Variants in DNAH11 observed in about 807,000 individuals in gnomAD.
DNAH11 encodes axonemal beta dynein heavy chain 11.
Under a neutral mutation model 526.0 loss-of-function variants are expected in DNAH11, and 442 were observed. That is an observed-to-expected ratio of 0.84 (90% CI 0.78 to 0.91). DNAH11 has a LOEUF of 0.91. Ranked by LOEUF, DNAH11 falls within the 40% of genes least tolerant of loss-of-function variation. The probability of loss-of-function intolerance (pLI) is 0.00; values close to 1 mark genes in which losing one functional copy is unlikely to be tolerated. For synonymous variants in DNAH11, 2,461 were observed against 1,935.9 expected (o/e 1.27, Z -7.12); for missense variants, 6,989 against 5,448.7 (o/e 1.28, Z -8.90).
Position 21,725,886 on chromosome 7 carries a change from A to T in DNAH11, c.7342A>T (p.Thr2448Ser). The change falls in exon 45 of 82, where the codon ACA (threonine) becomes TCA (serine). Residue 2448 changes from threonine to serine, a missense_variant. Physicochemically the swap from Thr to Ser is moderately conservative, Grantham distance 58 (BLOSUM62 1). Coordinates refer to ENST00000409508, the MANE Select transcript of DNAH11 (RefSeq NM_001277115.2). Reference sequence around the variant, plus strand: ...AGCAGTGAAATTTCCGTCGCAGGGAACAATCTTTGATTATTATGTGGACCA... The same window carrying T: ...AGCAGTGAAATTTCCGTCGCAGGGATCAATCTTTGATTATTATGTGGACCA... ...MKAVKFPSQG[T>S]IFDYYVDHKT... 5 of 1,606,064 alleles carry T rather than the reference A, an allele frequency of 3.1e-6. No homozygotes were observed. The South Asian group carries it at 4.5e-5, about 14-fold the overall frequency.
chr7:21,846,515 A>G (rs1782427081), intron 66 of DNAH11, among the ~76,000 whole-genome samples: 1 of 152,086 alleles, frequency 6.6e-6, no homozygotes, highest in Non-Finnish European at 1.5e-5. Context: ...GTTATATATC[A>G]TTACTTCACT....
At chr7:21,673,572 C>G (rs1782729266) in intron 30 of DNAH11, among the ~76,000 whole-genome samples, 1 of 152,172 alleles carries the variant, frequency 6.6e-6, no homozygotes, top group Admixed American at 6.5e-5. Context: ...TGCTCTGGGT[C>G]CCTTCTGCTC....
At chr7:21,873,208 T>A (rs1398481477) in intron 73 of DNAH11, 66 bp from the exon 74 acceptor site, 11 of 1,317,686 alleles carry the variant, frequency 8.3e-6, no homozygotes, top group Non-Finnish European at 1.2e-5. Flanking sequence ...TATAGGAAAA[T>A]GTAATCTTAT....
intron 66 of DNAH11, among the ~76,000 whole-genome samples, chr7:21,843,526 G>T (rs1782297309): frequency 6.6e-6 from 1 of 150,394 alleles, no homozygotes; most frequent in Non-Finnish European, 1.5e-5. Context: ...TGTCACCAAG[G>T]CTGGAGTGCA....
chr7:21,655,750 C>G (rs919881904), intron 28 of DNAH11, 82 bp from the exon 29 acceptor site: 2 of 1,390,746 alleles, frequency 1.4e-6, no homozygotes, highest in Non-Finnish European at 2.0e-6. Flanking sequence ...CGTTTCATGA[C>G]TTCATATGGC....
Position 21,638,937 on chromosome 7 carries a change from A to C in DNAH11, c.4818-2A>C. Reference sequence around the variant, plus strand: ...GCTTAAAAACATTTTTCATTCATGTAGGCTTTCTCTTTGTGAAAAAGCTCT... The same window carrying C: ...GCTTAAAAACATTTTTCATTCATGTCGGCTTTCTCTTTGTGAAAAAGCTCT... On this transcript the variant is annotated splice_acceptor_variant, in intron 27 of 81. Transcript: ENST00000409508. LOFTEE classifies it high-confidence loss of function. The C allele has an allele frequency of 6.2e-7, 1 of 1,600,570 alleles. No individual in the cohort carries two copies.
rs990957068 is a variant in DNAH11 at position 21,768,820 on chromosome 7, C to T, written c.9102+3231C>T. Among the ~76,000 whole-genome samples, 7 of 152,110 alleles carry T rather than the reference C, an allele frequency of 4.6e-5. No homozygotes were observed. In the South Asian group the frequency reaches 6.2e-4, roughly 14 times the overall value. ...GTCTGTAAATTCATTTTTAAAATGG[C>T]ATGCCAAACACAAAGGGTATAAGAC... On this transcript the variant is annotated intron_variant, in intron 55 of 81. Transcript: ENST00000409508.
intron 28 of DNAH11, among the ~76,000 whole-genome samples, chr7:21,647,625 G>C (rs1241948735): frequency 6.6e-6 from 1 of 151,652 alleles, no homozygotes; most frequent in Non-Finnish European, 1.5e-5. Flanking sequence ...TAGAGACGGG[G>C]TTTCACCTTG....
chr7:21,785,096 T>C (rs186799073), intron 58 of DNAH11, among the ~76,000 whole-genome samples: 3 of 152,040 alleles, frequency 2.0e-5, no homozygotes, highest in Admixed American at 6.6e-5. Flanking sequence ...GAAAGTGAAA[T>C]GGGGGGCAAT....
chr7:21,545,244 A>T, intron 2 of DNAH11, 95 bp downstream of exon 2: 15 of 633,874 alleles, frequency 2.4e-5, no homozygotes, highest in Admixed American at 4.9e-5. Flanking sequence ...AAGAAGAGCT[A>T]GGAGGGGAAG....
In DNAH11 at chr7:21,745,055, G is replaced by A. The variant is rs1786083033; in HGVS notation, c.8502G>A (p.Met2834Ile). Residue 2834 changes from methionine (M) to isoleucine (I), a missense_variant, in exon 51 of 82, where the codon ATG becomes ATA. Transcript: ENST00000409508. Reference protein sequence around the residue: ...AMHLVLFEDAMQHVCRISRIL... With the variant: ...AMHLVLFEDAIQHVCRISRIL... ...ACCTAGTTTTGTTTGAAGATGCCAT[G>A]CAACATGTGTGAGTTAACTAGTCAC... 9 of 1,605,960 alleles carry A rather than the reference G, an allele frequency of 5.6e-6. No homozygotes were observed. The highest frequency in any genetic ancestry group is 7.7e-6 in the Non-Finnish European group (9 of 1,176,000).
intron 54 of DNAH11, among the ~76,000 whole-genome samples, chr7:21,751,046 G>T (rs547838745): frequency 6.6e-6 from 1 of 152,074 alleles, no homozygotes; most frequent in African/African-American, 2.4e-5. Flanking sequence ...CAGATGGGCC[G>T]GGTGCAGTGG....
At chr7:21,726,830 C>T (rs1174882369) in intron 45 of DNAH11, among the ~76,000 whole-genome samples, 3 of 95,898 alleles carry the variant, frequency 3.1e-5, no homozygotes, top group Non-Finnish European at 5.6e-5. Flanking sequence ...CACTGCACTC[C>T]AGCCTGGGCG....
At chr7:21,740,533 G>C (rs1410284536) in intron 48 of DNAH11, among the ~76,000 whole-genome samples, 2 of 152,292 alleles carry the variant, frequency 1.3e-5, no homozygotes, top group South Asian at 2.1e-4. Flanking sequence ...GGTTCATCCA[G>C]TTACGGCATA....
intron 55 of DNAH11, among the ~76,000 whole-genome samples, chr7:21,770,690 G>A (rs1787400827): frequency 6.6e-6 from 1 of 152,084 alleles, no homozygotes; most frequent in Non-Finnish European, 1.5e-5. Flanking sequence ...TTTGACTATT[G>A]GGAAAGCAGT....
intron 21 of DNAH11, 45 bp downstream of exon 21, chr7:21,615,317 T>C (rs375047371): frequency 6.3e-7 from 1 of 1,596,294 alleles, no homozygotes; most frequent in African/African-American, 1.3e-5. Flanking sequence ...TAGTAGTTCT[T>C]TTACATATGC....
At chr7:21,716,736 G>A (rs2965408) in intron 42 of DNAH11, among the ~76,000 whole-genome samples, 70,397 of 151,964 alleles carry the variant, frequency 0.46, 16,636 homozygotes, top group East Asian at 0.55. Flanking sequence ...TACCACACAG[G>A]GACATTCTAT....
At chr7:21,553,442 T>A (rs895627182) in intron 2 of DNAH11, among the ~76,000 whole-genome samples, 1 of 151,940 alleles carries the variant, frequency 6.6e-6, no homozygotes, top group Non-Finnish European at 1.5e-5. Flanking sequence ...TACCCCTTGG[T>A]TGGTGACTTA....
chr7:21,765,042 A>C (rs915303785), intron 54 of DNAH11, among the ~76,000 whole-genome samples: 6 of 152,236 alleles, frequency 3.9e-5, no homozygotes, highest in African/African-American at 1.2e-4. Context: ...TGAATTACAA[A>C]ATGGAAGAAA....
Sources: allele counts gnomAD v4.1 joint callset (sites outside exome capture counted in the v4.1 genomes callset), GRCh38; gene constraint gnomAD v4.1.1; transcripts MANE v1.5; gene names NCBI Gene and HGNC (gene_info 2026-07-23, HGNC 2026-07-21).